Variants in KDM4C observed in about 807,000 individuals in gnomAD.
KDM4C encodes lysine-specific demethylase 4C.
Under a neutral mutation model 129.3 loss-of-function variants are expected in KDM4C, and 81 were observed. The ratio of observed to expected loss-of-function variants is 0.63; its 90% confidence interval spans 0.52 to 0.75. KDM4C has a LOEUF of 0.75. Ranked by LOEUF, KDM4C falls within the 30% of genes least tolerant of loss-of-function variation. The pLI, the probability that KDM4C is intolerant of heterozygous loss-of-function variation, is 0.00. For missense variants in KDM4C, 1,457 were observed against 1,304.0 expected, an observed-to-expected ratio of 1.12 and a Z score of -1.81; for synonymous variants, 573 against 456.1, an observed-to-expected ratio of 1.26 and a Z score of -3.26.
intron 19 of KDM4C, among the ~76,000 whole-genome samples, chr9:7,130,628 A>G (rs10976056): frequency 0.19 from 29,467 of 152,190 alleles, 2,921 homozygotes; most frequent in East Asian, 0.27. Flanking sequence ...TTGAGGCTTA[A>G]CAGCAGTTGC....
chr9:7,142,776 C>T (rs1314608858), intron 19 of KDM4C, among the ~76,000 whole-genome samples: 2 of 152,176 alleles, frequency 1.3e-5, no homozygotes, highest in Admixed American at 1.3e-4. Context: ...TGCATTCCTG[C>T]ACCTCCCACA....
At chr9:6,975,200 A>G (rs1472863897) in intron 8 of KDM4C, among the ~76,000 whole-genome samples, 3 of 152,208 alleles carry the variant, frequency 2.0e-5, no homozygotes, top group African/African-American at 7.2e-5. Context: ...TGAACCTATT[A>G]GAAGTGGGAG....
At chr9:6,786,211 TCAGACTTG>T (rs1360356652) in intron 1 of KDM4C, among the ~76,000 whole-genome samples, 1 of 152,122 alleles carries the variant, frequency 6.6e-6, no homozygotes, top group Non-Finnish European at 1.5e-5. Flanking sequence ...CCGGAAAGCA[TCAGACTTG>T]GTTTCTTTTT....
Position 6,737,978 on chromosome 9 carries a change from C to G in KDM4C, c.49+16981C>G, listed in dbSNP as rs559934458. On this transcript the variant is annotated intron_variant, in intron 1 of 17. Transcript: ENST00000536108. Reference sequence around the variant, plus strand: ...CAAAACCCCATCTCTACTAAAAATACCAACAATTTGCTGGGCATGGTGGCA... The same window carrying G: ...CAAAACCCCATCTCTACTAAAAATAGCAACAATTTGCTGGGCATGGTGGCA... Among the ~76,000 whole-genome samples, 3 of 148,472 alleles carry G rather than the reference C, an allele frequency of 2.0e-5. No individual in the cohort carries two copies. The East Asian group carries it at 6.2e-4, about 31-fold the overall frequency.
intron 8 of KDM4C, among the ~76,000 whole-genome samples, chr9:6,893,965 C>T (rs1846467007): frequency 6.6e-6 from 1 of 152,102 alleles, no homozygotes; most frequent in Non-Finnish European, 1.5e-5. Flanking sequence ...TGCAGGCTGG[C>T]AGAGGGCAGC....
At chr9:6,943,830 G>A (rs1826397341) in intron 8 of KDM4C, among the ~76,000 whole-genome samples, 1 of 152,142 alleles carries the variant, frequency 6.6e-6, no homozygotes, top group Non-Finnish European at 1.5e-5. Flanking sequence ...GCAGATTTCT[G>A]GGCCTCACTT....
chr9:7,157,424 C>T (rs1843304826), intron 19 of KDM4C, among the ~76,000 whole-genome samples: 1 of 152,136 alleles, frequency 6.6e-6, no homozygotes, highest in African/African-American at 2.4e-5. Context: ...GCATCCTTGT[C>T]TTGTGCCGCT....
intron 1 of KDM4C, among the ~76,000 whole-genome samples, chr9:6,790,515 G>C (rs1826351528): frequency 6.6e-6 from 1 of 151,084 alleles, no homozygotes; most frequent in Admixed American, 6.6e-5. Context: ...CGGCCTCCCA[G>C]AGTGCGGGGA....
At chr9:7,060,978 C>T (rs1831580078) in intron 17 of KDM4C, among the ~76,000 whole-genome samples, 1 of 152,192 alleles carries the variant, frequency 6.6e-6, no homozygotes, top group Non-Finnish European at 1.5e-5. Context: ...CTTTGTCTGT[C>T]TGTATCTCTC....
At chr9:6,889,966 G>C (rs1452968132) in intron 7 of KDM4C, among the ~76,000 whole-genome samples, 2 of 152,162 alleles carry the variant, frequency 1.3e-5, no homozygotes, top group Non-Finnish European at 2.9e-5. Flanking sequence ...CTCTCATCTG[G>C]TGTTTTGTGG....
At chr9:6,875,264 C>T (rs569631682) in intron 5 of KDM4C, among the ~76,000 whole-genome samples, 2 of 152,266 alleles carry the variant, frequency 1.3e-5, no homozygotes, top group South Asian at 4.2e-4. Context: ...TAGACCCTTC[C>T]TCTTAGGGAG....
At chr9:6,771,256 G>A (rs1335111411) in intron 1 of KDM4C, among the ~76,000 whole-genome samples, 2 of 150,566 alleles carry the variant, frequency 1.3e-5, no homozygotes, top group African/African-American at 4.9e-5. Flanking sequence ...AGGAATAATT[G>A]GAAAGTTTGC....
At chr9:6,878,448 A>G (rs2130752726) in intron 5 of KDM4C, among the ~76,000 whole-genome samples, 1 of 152,340 alleles carries the variant, frequency 6.6e-6, no homozygotes, top group Admixed American at 6.5e-5. Flanking sequence ...CTTGTAGAAA[A>G]TAATAGGCCA....
intron 5 of KDM4C, among the ~76,000 whole-genome samples, chr9:6,870,984 A>C (rs1377965765): frequency 6.6e-6 from 1 of 152,154 alleles, no homozygotes; most frequent in Non-Finnish European, 1.5e-5. Flanking sequence ...GGTGACAGTG[A>C]CAGAGGGACC....
intron 15 of KDM4C, among the ~76,000 whole-genome samples, chr9:7,027,679 TG>T (rs1258119292): frequency 6.6e-6 from 1 of 152,190 alleles, no homozygotes; most frequent in African/African-American, 2.4e-5. Flanking sequence ...CCCTTCATGA[TG>T]GTGAGTTGTT....
Position 7,112,630 on chromosome 9 carries a change from C to T in KDM4C, c.2610+8760C>T, listed in dbSNP as rs1564133252. On this transcript the variant is annotated intron_variant, in intron 18 of 21. Transcript: ENST00000381309. ...AGTGTGCCCATCTAATGCCAGTGAG[C>T]TTGCCCTGGCCCCCACAGGGCTGAT... 8.5e-5 allele frequency among the ~76,000 whole-genome samples: 13 copies of T among 152,314 alleles called. No individual in the cohort carries two copies. In the South Asian group the frequency reaches 2.7e-3, roughly 32 times the overall value.
chr9:7,002,433 A>G (rs373880591), intron 12 of KDM4C, among the ~76,000 whole-genome samples: 4 of 152,200 alleles, frequency 2.6e-5, no homozygotes, highest in African/African-American at 7.2e-5. Flanking sequence ...TAAATACATA[A>G]TATTTTGTGG....
At chr9:6,839,643 G>A (rs996551122) in intron 4 of KDM4C, among the ~76,000 whole-genome samples, 11 of 151,942 alleles carry the variant, frequency 7.2e-5, no homozygotes, top group Admixed American at 1.3e-4. Flanking sequence ...ATGGTGGCTC[G>A]TGCCTATAAT....
chr9:6,798,446 C>A (rs1010710270), intron 2 of KDM4C, among the ~76,000 whole-genome samples: 18 of 151,934 alleles, frequency 1.2e-4, no homozygotes, highest in Admixed American at 1.2e-3. Context: ...TGACTCTTAA[C>A]GAGCATGCTG....
Sources: gnomAD v4.1 joint callset for allele counts (sites outside exome capture counted in the v4.1 genomes callset) on GRCh38, gnomAD v4.1.1 for gene constraint, MANE v1.5 for transcripts, NCBI Gene and HGNC (gene_info 2026-07-23, HGNC 2026-07-21) for gene names.